The following TAFA4 variants were observed in gnomAD, a reference collection of about 807,000 sequenced individuals.
The protein encoded by TAFA4 is TAFA chemokine like family member 4, also known as chemokine-like protein TAFA-4.
TAFA4 carries 20 observed loss-of-function variants against 21.1 expected under a neutral mutation model. The observed-to-expected ratio is 0.95, with a 90% CI of 0.67 to 1.38. The LOEUF (loss-of-function observed/expected upper bound fraction) is 1.38, where lower values mean the gene tolerates loss of function less well. Ranked by LOEUF, TAFA4 falls within the 40% of genes most tolerant of loss-of-function variation. The probability of loss-of-function intolerance (pLI) is 0.00; values close to 1 mark genes in which losing one functional copy is unlikely to be tolerated. For synonymous variants in TAFA4, 71 were observed against 67.4 expected (o/e 1.05, Z -0.26); for missense variants, 211 against 180.9 (o/e 1.17, Z -0.95).
At chr3:68,916,380 C>G (rs1194159045) in intron 1 of TAFA4, among the ~76,000 whole-genome samples, 2 of 152,196 alleles carry the variant, frequency 1.3e-5, no homozygotes, top group East Asian at 3.8e-4. Context: ...TGATCCTTCC[C>G]AGAAATGGCC....
intron 5 of TAFA4, among the ~76,000 whole-genome samples, chr3:68,736,975 G>A (rs1330815945): frequency 1.3e-5 from 2 of 152,076 alleles, no homozygotes; most frequent in African/African-American, 4.8e-5. Context: ...TGAGGATTTA[G>A]CTACAGCAAA....
At chr3:68,910,659 G>A (rs572154994) in intron 1 of TAFA4, among the ~76,000 whole-genome samples, 5 of 152,226 alleles carry the variant, frequency 3.3e-5, no homozygotes, top group South Asian at 2.1e-4. Flanking sequence ...ACTTCTGCAC[G>A]TAGACATTCC....
At chr3:68,906,598 T>G (rs12714749) in intron 1 of TAFA4, among the ~76,000 whole-genome samples, 67,461 of 151,994 alleles carry the variant, frequency 0.44, 15,697 homozygotes, top group African/African-American at 0.58. Flanking sequence ...TCCAGAGTCC[T>G]TCTCTTATCA....
At chr3:68,835,202 T>C (rs1390978321) in intron 3 of TAFA4, among the ~76,000 whole-genome samples, 1 of 152,156 alleles carries the variant, frequency 6.6e-6, no homozygotes, top group Non-Finnish European at 1.5e-5. Flanking sequence ...CTGGTGACCT[T>C]ATTTGAAATA....
At chr3:68,904,313 C>G (rs1405898280) in intron 1 of TAFA4, among the ~76,000 whole-genome samples, 1 of 152,130 alleles carries the variant, frequency 6.6e-6, no homozygotes, top group Non-Finnish European at 1.5e-5. Flanking sequence ...ATGATTGCAT[C>G]TTTAAGAAGG....
intron 1 of TAFA4, among the ~76,000 whole-genome samples, chr3:68,926,402 G>A (rs993152508): frequency 4.6e-5 from 7 of 151,918 alleles, no homozygotes; most frequent in Non-Finnish European, 7.4e-5. Context: ...TTCTACCCCA[G>A]GTATGTACTA....
chr3:68,787,556 G>A (rs1389517380), intron 3 of TAFA4, among the ~76,000 whole-genome samples: 3 of 152,060 alleles, frequency 2.0e-5, no homozygotes, highest in Non-Finnish European at 2.9e-5. Flanking sequence ...GGAAGAGGGC[G>A]AACGTCCATC....
intron 3 of TAFA4, among the ~76,000 whole-genome samples, chr3:68,856,581 C>T (rs910259025): frequency 2.6e-5 from 4 of 152,180 alleles, no homozygotes; most frequent in South Asian, 2.1e-4. Context: ...ACAACCTTCA[C>T]GTGATCTTTA....
intron 4 of TAFA4, among the ~76,000 whole-genome samples, chr3:68,741,836 C>G (rs1469284327): frequency 6.6e-6 from 1 of 151,312 alleles, no homozygotes; most frequent in African/African-American, 2.5e-5. Flanking sequence ...CTTTCTCTTC[C>G]AAAGAATCGA....
intron 3 of TAFA4, among the ~76,000 whole-genome samples, chr3:68,785,721 A>G (rs144321792): frequency 0.043 from 6,500 of 152,348 alleles, 480 homozygotes; most frequent in African/African-American, 0.15. Context: ...CCCACAGTGC[A>G]GCGGCAGGCT....
intron 3 of TAFA4, among the ~76,000 whole-genome samples, chr3:68,810,751 G>T (rs1387195849): frequency 1.3e-5 from 2 of 152,208 alleles, no homozygotes; most frequent in African/African-American, 4.8e-5. Flanking sequence ...TGGGGGCAGG[G>T]CATAGCCAAA....
intron 5 of TAFA4, among the ~76,000 whole-genome samples, chr3:68,734,643 T>C (rs547266295): frequency 6.6e-6 from 1 of 152,256 alleles, no homozygotes; most frequent in South Asian, 2.1e-4. Flanking sequence ...CTTGAGCAAC[T>C]GAATGATGGA....
rs1702190486 is a variant in TAFA4, at chr3:68,733,618, A to G, written c.412-465T>C. Among the ~76,000 whole-genome samples the G allele has an allele frequency of 2.0e-5, 3 of 152,168 alleles. No homozygotes were observed. In the South Asian group the frequency reaches 6.2e-4, roughly 32 times the overall value. On this transcript the variant is annotated intron_variant, in intron 5 of 5. Coordinates refer to ENST00000295569, the MANE Select transcript of TAFA4 (RefSeq NM_182522.5). The stretch of plus-strand genomic sequence containing the variant: ...ATAAAACTGCTGTATTATCCATTAA[A>G]AAGGTAGTGGTTGTATTTTTCAGAC...
At chr3:68,873,140 T>G (rs1010152184) in intron 3 of TAFA4, among the ~76,000 whole-genome samples, 3 of 151,994 alleles carry the variant, frequency 2.0e-5, no homozygotes, top group Non-Finnish European at 4.4e-5. Flanking sequence ...CAATCCAGGT[T>G]CTGATGTGTC....
At chr3:68,837,557 C>T (rs184945032) in intron 3 of TAFA4, among the ~76,000 whole-genome samples, 3 of 152,142 alleles carry the variant, frequency 2.0e-5, no homozygotes, top group East Asian at 1.9e-4. Context: ...TCCTGGCACC[C>T]GCCCCCCACT....
chr3:68,854,180 C>T (rs937756221), intron 3 of TAFA4, among the ~76,000 whole-genome samples: 1 of 151,930 alleles, frequency 6.6e-6, no homozygotes, highest in Non-Finnish European at 1.5e-5. Context: ...GTTCTCAATG[C>T]AATGGAGGAA....
rs1008015976 is a variant in TAFA4, at chr3:68,899,399, AT to A, written c.-122-14090del. 1.2e-3 allele frequency among the ~76,000 whole-genome samples: 179 copies of A among 148,728 alleles called. 2 individuals are homozygous for A. Among genetic ancestry groups the A allele is most frequent in the East Asian group, 5.3e-3 (27 of 5,114 alleles). ...TTCCACAGACAATAATATACCCTGG[AT>A]TTTTTTTTTTCTTCATTTCAAAAAA... is the stretch of plus-strand genomic sequence containing the variant. On this transcript the variant is annotated intron_variant, in intron 1 of 5. Coordinates refer to ENST00000295569, the MANE Select transcript of TAFA4 (RefSeq NM_182522.5).
intron 3 of TAFA4, among the ~76,000 whole-genome samples, chr3:68,800,427 G>C (rs1219720255): frequency 2.0e-5 from 3 of 152,164 alleles, no homozygotes; most frequent in Non-Finnish European, 4.4e-5. Flanking sequence ...ACCCCAGTGA[G>C]CACAACAACA....
intron 5 of TAFA4, among the ~76,000 whole-genome samples, chr3:68,738,817 T>C (rs567844395): frequency 6.6e-6 from 1 of 152,344 alleles, no homozygotes; most frequent in South Asian, 2.1e-4. Context: ...AAATCGGGCT[T>C]GTGAAGAAGC....
Sources: gnomAD v4.1 joint callset for allele counts (sites outside exome capture counted in the v4.1 genomes callset) on GRCh38, gnomAD v4.1.1 for gene constraint, MANE v1.5 for transcripts, NCBI Gene and HGNC (gene_info 2026-07-23, HGNC 2026-07-21) for gene names.